ZNF469: variants seen among roughly 807,000 people sequenced by gnomAD.
The protein encoded by ZNF469 is zinc finger protein 469.
A neutral mutation model predicts 1.0 loss-of-function variants in ZNF469; 1 was observed. The ratio of observed to expected loss-of-function variants is 1.00; its 90% CI spans 0.35 to 4.73. The LOEUF is 4.73. Among genes scored for constraint, ZNF469 ranks in the 30% most tolerant of loss-of-function variants. The pLI is 0.16. For synonymous variants in ZNF469, 2,703 were observed against 2,363.4 expected (o/e 1.14, Z -4.17); for missense variants, 6,100 against 5,356.3 (o/e 1.14, Z -4.33).
At chr16:88,299,136 G>C in the ZNF469 span, among the ~76,000 whole-genome samples, 1 of 150,068 alleles carries the variant, frequency 6.7e-6, no homozygotes, top group African/African-American at 2.4e-5. Context: ...TCCTGGAGGA[G>C]GCAGCTTGGG....
At chr16:88,348,669 G>C in the ZNF469 span, among the ~76,000 whole-genome samples, 3 of 152,192 alleles carry the variant, frequency 2.0e-5, no homozygotes, top group Non-Finnish European at 2.9e-5. Context: ...CCAGACCCCT[G>C]CCGTGAGACG....
At chr16:88,349,620 C>T in the ZNF469 span, among the ~76,000 whole-genome samples, 1 of 144,634 alleles carries the variant, frequency 6.9e-6, no homozygotes, top group Non-Finnish European at 1.5e-5. Context: ...ACACCCAGCA[C>T]AATACACACC....
chr16:88,254,247 C>A, the ZNF469 span, among the ~76,000 whole-genome samples: 6 of 152,182 alleles, frequency 3.9e-5, no homozygotes, highest in Non-Finnish European at 7.3e-5. Flanking sequence ...ATTGTCCCTG[C>A]ACCATTTATT....
the ZNF469 span, among the ~76,000 whole-genome samples, chr16:88,187,598 TA>T: frequency 1.3e-5 from 2 of 151,218 alleles, no homozygotes; most frequent in African/African-American, 4.9e-5. Flanking sequence ...CTTTTTTATT[TA>T]TTTTTTTTGA....
At chr16:88,159,146 G>A in the ZNF469 span, among the ~76,000 whole-genome samples, 3 of 14,362 alleles carry the variant, frequency 2.1e-4, no homozygotes, top group Non-Finnish European at 1.6e-3. Context: ...TCCTGGTCAC[G>A]GATGCTCATA....
the ZNF469 span, chr16:88,234,742 G>C: frequency 6.6e-6 from 1 of 152,264 alleles, no homozygotes; most frequent in Non-Finnish European, 1.5e-5. Flanking sequence ...TCGTCACAGA[G>C]CAGAGGGCCG....
At chr16:88,348,851 C>T in the ZNF469 span, among the ~76,000 whole-genome samples, 1 of 152,174 alleles carries the variant, frequency 6.6e-6, no homozygotes, top group African/African-American at 2.4e-5. Flanking sequence ...TCACACAGGA[C>T]CCCACAGGCA....
At chr16:88,161,875 GA>G in the ZNF469 span, among the ~76,000 whole-genome samples, 1 of 152,230 alleles carries the variant, frequency 6.6e-6, no homozygotes, top group Admixed American at 6.5e-5. Flanking sequence ...ACTTGGGCAA[GA>G]GTCTTCTGAT....
At position 88,431,098 on chromosome 16, in the gene ZNF469, G is replaced by A. The variant is rs2142304482; in HGVS notation, c.3628G>A (p.Glu1210Lys). The part of the protein sequence containing the change: ...KDPLQVPTNT[E>K]TSEETRPSLD... Reference sequence around the variant, plus strand: ...TCCCCTGCAGGTCCCCACCAACACCGAGACCTCAGAGGAAACCCGCCCGTC... The same window carrying A: ...TCCCCTGCAGGTCCCCACCAACACCAAGACCTCAGAGGAAACCCGCCCGTC... Residue 1210 changes from glutamate (E) to lysine (K), a missense_variant, in exon 3 of 3, where the codon GAG becomes AAG. Glu to Lys is a moderately conservative substitution (Grantham distance 56). Transcript: ENST00000565624. 6.5e-7 allele frequency: 1 copy of A among 1,550,190 alleles called. No individual in the cohort carries two copies. Among genetic ancestry groups the A allele is most frequent in the Non-Finnish European group, 8.7e-7 (1 of 1,146,938 alleles).
the ZNF469 span, among the ~76,000 whole-genome samples, chr16:88,170,712 T>C: frequency 6.6e-6 from 1 of 152,304 alleles, no homozygotes; most frequent in Middle Eastern, 3.4e-3. The surrounding 1 kb of genome is among the most constrained non-coding windows in gnomAD (Gnocchi z 4.2). Context: ...GTTCCTTTCT[T>C]GGCTGTTGTG....
rs377289149 is a variant in ZNF469, at chr16:88,408,284, G to A, written c.-191-16523G>A. ...TCTCCTGCCTCAGCCTCCCGGTAACGGGGACTACAGGCACCCACCACCACG... is the reference window on the plus strand; with the variant it reads ...TCTCCTGCCTCAGCCTCCCGGTAACAGGGACTACAGGCACCCACCACCACG... On this transcript the variant is annotated intron_variant, in intron 1 of 2. Transcript: ENST00000565624. 4.7e-4 allele frequency among the ~76,000 whole-genome samples: 72 copies of A among 152,260 alleles called. 1 individual carries two copies. Among genetic ancestry groups the A allele is most frequent in the South Asian group, 3.5e-3 (17 of 4,822 alleles).
the ZNF469 span, among the ~76,000 whole-genome samples, chr16:88,288,834 G>A: frequency 7.2e-6 from 1 of 138,626 alleles, no homozygotes; most frequent in African/African-American, 3.0e-5. Flanking sequence ...AAAAGCCTGT[G>A]ACCAGAGTTT....
chr16:88,178,558 G>A, the ZNF469 span: 2 of 152,306 alleles, frequency 1.3e-5, no homozygotes, highest in Admixed American at 6.5e-5. Flanking sequence ...GCCAGAGAAG[G>A]GCAGAGTGGG....
chr16:88,201,960 G>A, the ZNF469 span, among the ~76,000 whole-genome samples: 2 of 152,288 alleles, frequency 1.3e-5, no homozygotes, highest in Admixed American at 6.5e-5. This position sits in a 1 kb window ranked among gnomAD's most constrained non-coding sequence, Gnocchi z 5.0. Context: ...CACCCTGCTG[G>A]GTCCAGGGTG....
chr16:88,322,508 G>T, the ZNF469 span, among the ~76,000 whole-genome samples: 1 of 152,250 alleles, frequency 6.6e-6, no homozygotes, highest in Admixed American at 6.5e-5. Context: ...AGTATGCTCT[G>T]ATCAAACCGT....
At chr16:88,381,019 C>G (rs1409963041), upstream of ZNF469, among the ~76,000 whole-genome samples, 1 of 140,406 alleles carries the variant, frequency 7.1e-6, no homozygotes. Flanking sequence ...CATGCGCTCA[C>G]AGACATGCAC....
the ZNF469 span, among the ~76,000 whole-genome samples, chr16:88,250,987 C>T: frequency 6.6e-6 from 1 of 152,176 alleles, no homozygotes; most frequent in Admixed American, 6.5e-5. Context: ...AAGCGATTCT[C>T]CTGCCTCAGC....
At chr16:88,386,660 C>T (rs1323943364) in intron 1 of ZNF469, among the ~76,000 whole-genome samples, 2 of 152,200 alleles carry the variant, frequency 1.3e-5, no homozygotes, top group Non-Finnish European at 2.9e-5. Context: ...CAGCTCCATC[C>T]ACCTACCTCG....
chr16:88,185,565 G>A, the ZNF469 span, among the ~76,000 whole-genome samples: 1,916 of 151,288 alleles, frequency 0.013, 51 homozygotes, highest in African/African-American at 0.044. Flanking sequence ...TCACACACAC[G>A]TGAATATAGT....
Sources: allele counts gnomAD v4.1 joint callset (sites outside exome capture counted in the v4.1 genomes callset), GRCh38; gene constraint gnomAD v4.1.1; non-coding constraint Gnocchi (gnomAD v3.1); transcripts MANE v1.5; gene names NCBI Gene and HGNC (gene_info 2026-07-23, HGNC 2026-07-21).